GNAQ: variants seen among roughly 807,000 people sequenced by gnomAD.
GNAQ encodes guanine nucleotide-binding protein G(q) subunit alpha.
In GNAQ, 8 loss-of-function variants were observed where a neutral mutation model predicts 43.9. That is an observed-to-expected ratio of 0.18 (90% confidence interval 0.11 to 0.33). The LOEUF (loss-of-function observed/expected upper bound fraction) is 0.33, where lower values mean the gene tolerates loss of function less well. GNAQ is among the 10% of genes least tolerant of loss of function. GNAQ has a pLI of 1.00. For missense variants in GNAQ, 158 were observed against 450.8 expected (o/e 0.35, Z 5.88); for synonymous variants, 155 against 170.7 (o/e 0.91, Z 0.71).
intron 1 of GNAQ, among the ~76,000 whole-genome samples, chr9:77,974,511 T>C (rs1823275277): frequency 6.6e-6 from 1 of 152,206 alleles, no homozygotes; most frequent in African/African-American, 2.4e-5. Context: ...CATGTAATCT[T>C]TGCAGCACTC....
At chr9:77,879,414 C>T (rs912397249) in intron 2 of GNAQ, among the ~76,000 whole-genome samples, 1 of 152,120 alleles carries the variant, frequency 6.6e-6, no homozygotes, top group Non-Finnish European at 1.5e-5. Flanking sequence ...GAGGCACCCA[C>T]CACCACATCC....
At chr9:78,017,598 A>G (rs1465812293) in intron 1 of GNAQ, among the ~76,000 whole-genome samples, 1 of 152,222 alleles carries the variant, frequency 6.6e-6, no homozygotes. Flanking sequence ...CAATGGCAGT[A>G]AATCTAGCTT....
At chr9:77,760,300 C>G (rs952823666) in intron 5 of GNAQ, among the ~76,000 whole-genome samples, 6 of 151,868 alleles carry the variant, frequency 4.0e-5, no homozygotes, top group African/African-American at 1.5e-4. Context: ...TCACTGCAAC[C>G]TCCCTGCCTG....
chr9:77,858,472 C>A lies in GNAQ; in HGVS notation c.322-42702G>T, dbSNP rs548241740. 6.2e-4 allele frequency among the ~76,000 whole-genome samples: 94 copies of A among 152,180 alleles called. No individual in the cohort carries two copies. In the South Asian group the frequency reaches 0.019, roughly 31 times the overall value. The stretch of plus-strand genomic sequence containing the variant: ...GCCAGATCGTAAGTTGTTGTCTTTA[C>A]TTCTCCCTATTCCCTTAATCACCCT... On this transcript the variant is annotated intron_variant, in intron 2 of 6. Coordinates refer to ENST00000286548, the MANE Select transcript of GNAQ (RefSeq NM_002072.5).
intron 3 of GNAQ, among the ~76,000 whole-genome samples, chr9:77,812,625 C>T (rs948378326): frequency 6.6e-6 from 1 of 152,026 alleles, no homozygotes; most frequent in African/African-American, 2.4e-5. Flanking sequence ...CTGAAATCAA[C>T]CACCTCTAGA....
Position 77,719,906 on chromosome 9 carries a change from C to G in GNAQ, c.*1417G>C, listed in dbSNP as rs1825284099. On this transcript the variant is annotated 3_prime_UTR_variant, in exon 7 of 7. Coordinates refer to ENST00000286548, the MANE Select transcript of GNAQ (RefSeq NM_002072.5). ...TAATCAGTTACCAGTTCAAGAAGAT[C>G]ATGAAGGTGGTAAACTAGCAGGAAC... 1 of 232,386 alleles carries G rather than the reference C, an allele frequency of 4.3e-6. No individual in the cohort carries two copies. The highest frequency in any genetic ancestry group is 2.2e-5 in the African/African-American group (1 of 45,284). 14.4% of individuals were successfully genotyped at this position (232,386 alleles called of 1,614,324 possible). A position where few individuals can be genotyped will look rare whatever the true frequency, so the allele number is the denominator to read the frequency against.
chr9:77,806,999 G>A (rs1425913253), intron 3 of GNAQ, among the ~76,000 whole-genome samples: 1 of 152,162 alleles, frequency 6.6e-6, no homozygotes, highest in Non-Finnish European at 1.5e-5. Context: ...TGTCAGTTAT[G>A]TCACCTTAAT....
intron 2 of GNAQ, among the ~76,000 whole-genome samples, chr9:77,861,201 T>C (rs996969305): frequency 2.0e-5 from 3 of 152,104 alleles, no homozygotes; most frequent in Non-Finnish European, 2.9e-5. Context: ...TTTACAACCA[T>C]CAGTTCTCAT....
chr9:77,807,282 T>G (rs1007607248), intron 3 of GNAQ, among the ~76,000 whole-genome samples: 1 of 152,132 alleles, frequency 6.6e-6, no homozygotes, highest in African/African-American at 2.4e-5. Flanking sequence ...TGACTGGAAG[T>G]GGGATGGGGT....
At chr9:77,829,087 A>G (rs1827255450) in intron 2 of GNAQ, among the ~76,000 whole-genome samples, 1 of 152,162 alleles carries the variant, frequency 6.6e-6, no homozygotes, top group Non-Finnish European at 1.5e-5. Flanking sequence ...GGGGCCATTC[A>G]TGGAACTTGG....
intron 3 of GNAQ, among the ~76,000 whole-genome samples, chr9:77,813,522 G>C (rs1340382620): frequency 1.4e-4 from 22 of 152,098 alleles, no homozygotes; most frequent in Non-Finnish European, 1.6e-4. Context: ...CTAACTAATG[G>C]GTCCATGTCT....
At chr9:77,820,692 C>G (rs1284608290) in intron 2 of GNAQ, among the ~76,000 whole-genome samples, 1 of 152,184 alleles carries the variant, frequency 6.6e-6, no homozygotes, top group African/African-American at 2.4e-5. Context: ...ATGGAGACTA[C>G]TGAATCTCAA....
At chr9:77,870,331 T>G (rs1037420814) in intron 2 of GNAQ, among the ~76,000 whole-genome samples, 6 of 147,724 alleles carry the variant, frequency 4.1e-5, no homozygotes, top group African/African-American at 1.2e-4. Flanking sequence ...CTAGTTTTTT[T>G]TTTTTTTTTT....
intron 2 of GNAQ, among the ~76,000 whole-genome samples, chr9:77,861,291 A>G (rs1019499651): frequency 1.3e-5 from 2 of 152,176 alleles, no homozygotes; most frequent in Non-Finnish European, 2.9e-5. Context: ...GGTCCTTCCC[A>G]CAACACATGG....
At chr9:77,836,238 C>CCT (rs35667294) in intron 2 of GNAQ, among the ~76,000 whole-genome samples, 110 of 151,680 alleles carry the variant, frequency 7.3e-4, no homozygotes, top group African/African-American at 1.6e-3. Flanking sequence ...AAGCCCCCCC[C>CCT]GGATCTGTCC....
intron 5 of GNAQ, among the ~76,000 whole-genome samples, chr9:77,784,207 C>T (rs1286350316): frequency 1.3e-5 from 2 of 151,782 alleles, no homozygotes; most frequent in East Asian, 1.9e-4. Flanking sequence ...CCAAGCTATA[C>T]AAAATACTTT....
At chr9:77,896,635 T>C (rs1411847834) in intron 2 of GNAQ, among the ~76,000 whole-genome samples, 2 of 152,266 alleles carry the variant, frequency 1.3e-5, no homozygotes, top group Admixed American at 1.3e-4. Context: ...TTCTTTTCTT[T>C]TTTCTCATTT....
chr9:78,002,652 A>T (rs1389252881), intron 1 of GNAQ, among the ~76,000 whole-genome samples: 1 of 152,244 alleles, frequency 6.6e-6, no homozygotes, highest in South Asian at 2.1e-4. Context: ...ACCCGCAGGT[A>T]AATTTCTACA....
intron 2 of GNAQ, among the ~76,000 whole-genome samples, chr9:77,816,410 C>T (rs1480564592): frequency 1.3e-5 from 2 of 152,060 alleles, no homozygotes; most frequent in Non-Finnish European, 2.9e-5. Flanking sequence ...ATTGAGTACG[C>T]CCTATTCAAT....
Sources: gnomAD v4.1 joint callset for allele counts (sites outside exome capture counted in the v4.1 genomes callset) on GRCh38, gnomAD v4.1.1 for gene constraint, MANE v1.5 for transcripts, NCBI Gene and HGNC (gene_info 2026-07-23, HGNC 2026-07-21) for gene names.